Variants in AGAP4 observed in about 807,000 individuals in gnomAD.
The protein encoded by AGAP4 is arf-GAP with GTPase, ANK repeat and PH domain-containing protein 4.
In AGAP4, 13 loss-of-function variants were observed where a neutral mutation model predicts 60.7. The ratio of observed to expected loss-of-function variants is 0.21; its 90% CI spans 0.14 to 0.34. The LOEUF (loss-of-function observed/expected upper bound fraction) is 0.34, where lower values mean the gene tolerates loss of function less well. AGAP4 is among the 10% of genes least tolerant of loss of function. The pLI is 1.00. For synonymous variants in AGAP4, 70 were observed against 339.0 expected, an observed-to-expected ratio of 0.21 and a Z score of 8.72; for missense variants, 169 against 884.0, an observed-to-expected ratio of 0.19 and a Z score of 10.26.
chr10:45,844,718 C>T (rs1590038185), intron 2 of AGAP4, among the ~76,000 whole-genome samples: 1 of 143,180 alleles, frequency 7.0e-6, no homozygotes, highest in Non-Finnish European at 1.5e-5. Flanking sequence ...TGTGTAAAAT[C>T]AACTTTGCAT....
chr10:45,854,039 T>A, upstream of AGAP4: 1 of 396,756 alleles, frequency 2.5e-6, no homozygotes, highest in Non-Finnish European at 4.0e-6. Context: ...CAAATTATTA[T>A]CACATATCAG....
At chr10:45,853,600 A>G (rs1590047713) in intron 1 of AGAP4, 5 of 1,280,424 alleles carry the variant, frequency 3.9e-6, no homozygotes, top group Non-Finnish European at 5.1e-6. Flanking sequence ...TTCTACACAC[A>G]GGCAGCGATA....
upstream of AGAP4, chr10:45,854,411 T>G (rs2135982757): frequency 6.6e-6 from 1 of 151,880 alleles, no homozygotes; most frequent in Non-Finnish European, 1.5e-5. Context: ...GTGGATCATC[T>G]GAGGTCAGGA....
At chr10:45,838,896 A>G (rs1400608659) in intron 4 of AGAP4, among the ~76,000 whole-genome samples, 3 of 146,862 alleles carry the variant, frequency 2.0e-5, no homozygotes, top group East Asian at 2.0e-4. Flanking sequence ...GGCAGTGGAT[A>G]AACTTTGAAT....
chr10:45,849,330 T>TA (rs2059050951), upstream of AGAP4, among the ~76,000 whole-genome samples: 1 of 151,706 alleles, frequency 6.6e-6, no homozygotes, highest in Admixed American at 6.6e-5. Flanking sequence ...CACCTCCCCC[T>TA]AGGCCCCTCC....
chr10:45,832,344 G>A (rs2058747225), intron 5 of AGAP4, among the ~76,000 whole-genome samples: 2 of 149,484 alleles, frequency 1.3e-5, no homozygotes, highest in South Asian at 2.2e-4. Flanking sequence ...AAACTGACTT[G>A]CCCAAGGTCC....
At chr10:45,852,444 C>G (rs1393090637), upstream of AGAP4, among the ~76,000 whole-genome samples, 3 of 145,688 alleles carry the variant, frequency 2.1e-5, no homozygotes, top group East Asian at 6.1e-4. Flanking sequence ...TTTAATTTTT[C>G]CCACAAAAAG....
In AGAP4 at chr10:45,839,301, A is replaced by G. The variant is rs1380968211; in HGVS notation, c.396+2352T>C. On this transcript the variant is annotated intron_variant, in intron 4 of 7. Transcript: ENST00000616763. Reference sequence around the variant, plus strand: ...AGGCAGGTTGTGAACTTACAGGCAAATGGCACTTTGGAAAGTAGGGTAAAA... The same window carrying G: ...AGGCAGGTTGTGAACTTACAGGCAAGTGGCACTTTGGAAAGTAGGGTAAAA... 4.1e-5 allele frequency among the ~76,000 whole-genome samples: 5 copies of G among 122,170 alleles called. 1 individual carries two copies. The highest frequency in any genetic ancestry group is 9.0e-5 in the Non-Finnish European group (5 of 55,682). The allele number at this position is 122,170 out of a possible 152,430, so 80.1% of individuals were successfully genotyped here.
intron 3 of AGAP4, among the ~76,000 whole-genome samples, chr10:45,843,649 A>G (rs1177721353): frequency 8.0e-6 from 1 of 125,738 alleles, no homozygotes; most frequent in Non-Finnish European, 1.7e-5. Context: ...TTCGCACATT[A>G]TAATAGAACC....
At chr10:45,831,710 G>A (rs1199804843) in intron 5 of AGAP4, among the ~76,000 whole-genome samples, 3 of 116,806 alleles carry the variant, frequency 2.6e-5, no homozygotes, top group Non-Finnish European at 3.6e-5. Flanking sequence ...TTCTACCCAC[G>A]AAACCTTTCG....
upstream of AGAP4, among the ~76,000 whole-genome samples, chr10:45,849,525 G>T (rs1268340942): frequency 6.6e-6 from 1 of 150,834 alleles, no homozygotes. Context: ...TGCTCTTGTT[G>T]CCCAGTGAAA....
chr10:45,834,805 G>A (rs1490206461), intron 4 of AGAP4, among the ~76,000 whole-genome samples: 40,479 of 137,634 alleles, frequency 0.29, 4,200 homozygotes, highest in South Asian at 0.51. Context: ...ACGGAGTCTC[G>A]CTCTGTCGCC....
chr10:45,852,217 TAAAA>T (rs781889843), upstream of AGAP4, among the ~76,000 whole-genome samples: 268 of 91,706 alleles, frequency 2.9e-3, 8 homozygotes, highest in South Asian at 0.013. Context: ...GGCCAGACTT[TAAAA>T]AAAAAAAAAA....
upstream of AGAP4, among the ~76,000 whole-genome samples, chr10:45,851,093 G>GAA (rs544654262): frequency 2.7e-5 from 4 of 147,380 alleles, no homozygotes; most frequent in South Asian, 2.2e-4. Context: ...GCTAATACAT[G>GAA]AAAAAAAAAA....
At chr10:45,838,096 T>A (rs1745896268) in intron 4 of AGAP4, among the ~76,000 whole-genome samples, 1 of 148,940 alleles carries the variant, frequency 6.7e-6, no homozygotes, top group South Asian at 2.1e-4. Flanking sequence ...TATATATATA[T>A]GAGGAATACC....
At chr10:45,841,858 T>C (rs1268754100) in intron 3 of AGAP4, among the ~76,000 whole-genome samples, 171 bp from the exon 4 acceptor site, 1 of 151,914 alleles carries the variant, frequency 6.6e-6, no homozygotes, top group Non-Finnish European at 1.5e-5. Context: ...ATTTCATAAG[T>C]CAAATCTAAA....
chr10:45,852,636 A>G (rs1187731027), intron 1 of AGAP4, among the ~76,000 whole-genome samples: 2 of 151,660 alleles, frequency 1.3e-5, no homozygotes, highest in Non-Finnish European at 2.9e-5. Context: ...TTCATATTTA[A>G]TTTAATTCTG....
At chr10:45,838,894 A>G (rs1279788605) in intron 4 of AGAP4, among the ~76,000 whole-genome samples, 2 of 147,032 alleles carry the variant, frequency 1.4e-5, no homozygotes, top group Admixed American at 1.4e-4. Flanking sequence ...ATGGCAGTGG[A>G]TAAACTTTGA....
chr10:45,838,356 T>TGACGGGTGC (rs2058858164), intron 4 of AGAP4, among the ~76,000 whole-genome samples: 1 of 151,924 alleles, frequency 6.6e-6, no homozygotes. Context: ...ACTGCTCAGG[T>TGACGGGTGC]GACGGGTGCA....
Sources: allele counts gnomAD v4.1 joint callset (sites outside exome capture counted in the v4.1 genomes callset), GRCh38; gene constraint gnomAD v4.1.1; transcripts MANE v1.5; gene names NCBI Gene and HGNC (gene_info 2026-07-23, HGNC 2026-07-21).